Variants in TMEM117 observed in about 807,000 individuals in gnomAD.
The protein encoded by TMEM117 is transmembrane protein 117.
Under a neutral mutation model 52.4 loss-of-function variants are expected in TMEM117, and 27 were observed. The ratio of observed to expected loss-of-function variants is 0.51; its 90% confidence interval spans 0.38 to 0.71. The LOEUF (loss-of-function observed/expected upper bound fraction) is 0.71, where lower values mean the gene tolerates loss of function less well. Ranked by LOEUF, TMEM117 falls within the 30% of genes least tolerant of loss-of-function variation. The probability of loss-of-function intolerance (pLI) is 0.00; values close to 1 mark genes in which losing one functional copy is unlikely to be tolerated. For missense variants in TMEM117, 556 were observed against 630.5 expected (o/e 0.88, Z 1.26); for synonymous variants, 215 against 206.3 (o/e 1.04, Z -0.36).
chr12:43,967,188 G>A (rs1485929146), intron 3 of TMEM117, among the ~76,000 whole-genome samples: 9 of 151,080 alleles, frequency 6.0e-5, no homozygotes, highest in Non-Finnish European at 5.9e-5. Context: ...ATGCGATGGC[G>A]CAGTCACAGC....
upstream of TMEM117, among the ~76,000 whole-genome samples, chr12:43,835,374 A>C (rs74787081): frequency 0.013 from 1,980 of 152,300 alleles, 23 homozygotes; most frequent in Non-Finnish European, 0.021. Flanking sequence ...GCTGATGTAC[A>C]TATGTGTGTA....
At chr12:43,971,325 C>T (rs1945582826) in intron 3 of TMEM117, among the ~76,000 whole-genome samples, 1 of 152,176 alleles carries the variant, frequency 6.6e-6, no homozygotes, top group South Asian at 2.1e-4. Flanking sequence ...CACTGAACAA[C>T]TTATCATTGT....
chr12:43,841,332 T>C (rs1367237854), intron 1 of TMEM117, among the ~76,000 whole-genome samples: 2 of 152,236 alleles, frequency 1.3e-5, no homozygotes, highest in African/African-American at 2.4e-5. Context: ...ATTCAAATCC[T>C]GATGTTTCCA....
intron 3 of TMEM117, among the ~76,000 whole-genome samples, chr12:44,021,060 G>C (rs1206491600): frequency 6.6e-6 from 1 of 152,130 alleles, no homozygotes; most frequent in East Asian, 1.9e-4. Flanking sequence ...CTGTCTCACA[G>C]ATTACCTGAA....
At chr12:44,312,794 G>A (rs1951007578) in intron 6 of TMEM117, among the ~76,000 whole-genome samples, 1 of 151,964 alleles carries the variant, frequency 6.6e-6, no homozygotes, top group Admixed American at 6.6e-5. Flanking sequence ...TTTTATAATA[G>A]CCATTCTGAC....
the TMEM117 span, among the ~76,000 whole-genome samples, chr12:43,806,539 A>C: frequency 6.6e-6 from 1 of 152,102 alleles, no homozygotes; most frequent in Non-Finnish European, 1.5e-5. Flanking sequence ...GACATGCCGC[A>C]GAATCTAGAC....
chr12:43,816,397 C>T, the TMEM117 span, among the ~76,000 whole-genome samples: 3 of 152,072 alleles, frequency 2.0e-5, no homozygotes, highest in African/African-American at 7.2e-5. Context: ...AGATTACTCA[C>T]CTCCTATCCA....
chr12:43,840,399 A>G (rs1460332715), intron 1 of TMEM117, among the ~76,000 whole-genome samples: 1 of 152,218 alleles, frequency 6.6e-6, no homozygotes, highest in Non-Finnish European at 1.5e-5. Context: ...TAGCCTTAGA[A>G]ATATTAATTT....
chr12:44,280,917 A>G (rs11612076), intron 5 of TMEM117, among the ~76,000 whole-genome samples: 7,402 of 152,216 alleles, frequency 0.049, 223 homozygotes, highest in African/African-American at 0.074. Flanking sequence ...AATGCCGACA[A>G]TCAATTCTTA....
At chr12:43,935,332 C>T (rs1368305164) in intron 2 of TMEM117, among the ~76,000 whole-genome samples, 5 of 152,086 alleles carry the variant, frequency 3.3e-5, no homozygotes, top group African/African-American at 9.7e-5. Flanking sequence ...TTAGTCTGAC[C>T]GGAAGTGAAT....
chr12:43,801,150 T>C, the TMEM117 span, among the ~76,000 whole-genome samples: 1 of 152,190 alleles, frequency 6.6e-6, no homozygotes, highest in African/African-American at 2.4e-5. Context: ...AAAACTGAAA[T>C]GAAGTAACTT....
At chr12:43,921,448 G>A (rs141292144) in intron 2 of TMEM117, among the ~76,000 whole-genome samples, 3 of 152,158 alleles carry the variant, frequency 2.0e-5, no homozygotes, top group Non-Finnish European at 4.4e-5. Flanking sequence ...CTTGCTAGCT[G>A]TATGACCTTA....
the TMEM117 span, among the ~76,000 whole-genome samples, chr12:43,828,359 C>T: frequency 1.3e-5 from 2 of 152,214 alleles, no homozygotes; most frequent in African/African-American, 2.4e-5. Flanking sequence ...GGCCTCAGGG[C>T]TCAGCAGCTA....
intron 3 of TMEM117, among the ~76,000 whole-genome samples, chr12:44,062,160 G>A (rs1947149907): frequency 6.6e-6 from 1 of 152,142 alleles, no homozygotes; most frequent in Non-Finnish European, 1.5e-5. Flanking sequence ...ACTGAACAAT[G>A]AATAAAATGA....
intron 4 of TMEM117, among the ~76,000 whole-genome samples, chr12:44,157,595 G>A (rs7295281): frequency 0.12 from 18,073 of 151,842 alleles, 3,078 homozygotes; most frequent in African/African-American, 0.38. Flanking sequence ...TAATGAGGTC[G>A]GCTGTAAGTA....
At chr12:44,072,306 G>C (rs1281654700) in intron 3 of TMEM117, among the ~76,000 whole-genome samples, 1 of 152,050 alleles carries the variant, frequency 6.6e-6, no homozygotes, top group Non-Finnish European at 1.5e-5. Context: ...GTTTTACCTA[G>C]CCAGACACAC....
chr12:43,966,158 G>C (rs1443016479), intron 3 of TMEM117, among the ~76,000 whole-genome samples: 1 of 152,094 alleles, frequency 6.6e-6, no homozygotes, highest in Non-Finnish European at 1.5e-5. Context: ...ACCATTGATA[G>C]GCACCTAGGT....
At chr12:44,154,238 A>G (rs1948794689) in intron 4 of TMEM117, among the ~76,000 whole-genome samples, 1 of 152,074 alleles carries the variant, frequency 6.6e-6, no homozygotes, top group South Asian at 2.1e-4. Context: ...TTTCTCTGCC[A>G]TTTCCAACGA....
intron 6 of TMEM117, among the ~76,000 whole-genome samples, chr12:44,329,691 A>G (rs186538450): frequency 1.3e-5 from 2 of 152,192 alleles, no homozygotes; most frequent in African/African-American, 4.8e-5. Context: ...TGCCTGAGCA[A>G]CCACTCTTCC....
Sources: gnomAD v4.1 joint callset for allele counts (sites outside exome capture counted in the v4.1 genomes callset) on GRCh38, gnomAD v4.1.1 for gene constraint, MANE v1.5 for transcripts, NCBI Gene and HGNC (gene_info 2026-07-23, HGNC 2026-07-21) for gene names.